Variants in STPG2 observed in about 807,000 individuals in gnomAD.
The protein encoded by STPG2 is sperm tail PG-rich repeat containing 2, also known as sperm-tail PG-rich repeat-containing protein 2.
Under a neutral mutation model 54.2 loss-of-function variants are expected in STPG2, and 56 were observed. The observed-to-expected ratio is 1.03, with a 90% CI of 0.83 to 1.29. The LOEUF is 1.29. Ranked by LOEUF, STPG2 falls within the 50% of genes most tolerant of loss-of-function variation. STPG2 has a pLI of 0.00. For missense variants in STPG2, 596 were observed against 544.9 expected (o/e 1.09, Z -0.93); for synonymous variants, 200 against 181.8 (o/e 1.10, Z -0.81).
chr4:97,653,721 A>C (rs1484928837), intron 10 of STPG2, among the ~76,000 whole-genome samples: 1 of 152,192 alleles, frequency 6.6e-6, no homozygotes, highest in African/African-American at 2.4e-5. Context: ...AAGGACAAGT[A>C]GAATGACTGT....
chr4:97,859,528 G>A (rs1402519383), intron 8 of STPG2, among the ~76,000 whole-genome samples: 2 of 149,570 alleles, frequency 1.3e-5, no homozygotes, highest in Non-Finnish European at 3.0e-5. Context: ...GCAGTGGGGC[G>A]ATCTGCCCTC....
intron 3 of STPG2, among the ~76,000 whole-genome samples, chr4:98,111,994 C>T (rs1224124146): frequency 6.6e-6 from 1 of 151,958 alleles, no homozygotes; most frequent in South Asian, 2.1e-4. Context: ...CATCAGCTCC[C>T]GTGGTTCTCA....
chr4:97,449,392 T>A (rs1009408709), intron 4 of STPG2, among the ~76,000 whole-genome samples: 46 of 152,152 alleles, frequency 3.0e-4, no homozygotes, highest in Non-Finnish European at 8.8e-5. Context: ...AGTAACAAGA[T>A]AAAGACAATT....
chr4:97,468,505 C>T (rs1048725879), intron 4 of STPG2, among the ~76,000 whole-genome samples: 1 of 152,000 alleles, frequency 6.6e-6, no homozygotes, highest in Non-Finnish European at 1.5e-5. Context: ...TCCTTTTGTG[C>T]TTTATTCCAT....
At chr4:97,742,004 C>T (rs544503146) in intron 9 of STPG2, among the ~76,000 whole-genome samples, 1 of 151,958 alleles carries the variant, frequency 6.6e-6, no homozygotes. Context: ...GAAAATGTGG[C>T]ACATATACAC....
At chr4:97,506,860 A>C (rs530688931) in intron 4 of STPG2, among the ~76,000 whole-genome samples, 202 of 152,190 alleles carry the variant, frequency 1.3e-3, no homozygotes, top group Non-Finnish European at 2.5e-3. Context: ...AGGAAAGCAA[A>C]GACAAAACAG....
intron 9 of STPG2, among the ~76,000 whole-genome samples, chr4:97,827,935 G>A (rs1280088630): frequency 1.3e-5 from 2 of 152,098 alleles, no homozygotes; most frequent in Admixed American, 6.5e-5. Context: ...CTCAAGAGGA[G>A]AGGAATTTAC....
intron 8 of STPG2, among the ~76,000 whole-genome samples, chr4:97,929,565 C>T (rs1732465067): frequency 6.6e-6 from 1 of 152,108 alleles, no homozygotes; most frequent in African/African-American, 2.4e-5. Flanking sequence ...TAATAATAGC[C>T]TTTCTCACTG....
chr4:98,113,758 T>C (rs964758840), intron 3 of STPG2, among the ~76,000 whole-genome samples: 1 of 151,988 alleles, frequency 6.6e-6, no homozygotes, highest in Non-Finnish European at 1.5e-5. Flanking sequence ...GTCATGTCCT[T>C]GAAGGAACAA....
At chr4:97,877,577 T>G (rs1730224771) in intron 8 of STPG2, among the ~76,000 whole-genome samples, 1 of 152,114 alleles carries the variant, frequency 6.6e-6, no homozygotes, top group African/African-American at 2.4e-5. Flanking sequence ...CTTCCCATTA[T>G]AAAACCATCA....
rs548583333 is a variant in STPG2 at position 97,564,466 on chromosome 4, G to T, written c.1321-5349C>A. The stretch of plus-strand genomic sequence containing the variant: ...TTAATATTGTTATGTGTGTATTTGA[G>T]CCTGTCATTATGATGTTAGCTGGTT... On this transcript the variant is annotated intron_variant, in intron 10 of 10. Coordinates refer to ENST00000295268, the MANE Select transcript of STPG2 (RefSeq NM_174952.3). 3.3e-5 allele frequency among the ~76,000 whole-genome samples: 5 copies of T among 152,044 alleles called. No individual in the cohort carries two copies. In the South Asian group the frequency reaches 8.3e-4, roughly 25 times the overall value.
At chr4:97,549,365 T>C (rs529337458) in intron 4 of STPG2, among the ~76,000 whole-genome samples, 1 of 152,332 alleles carries the variant, frequency 6.6e-6, no homozygotes, top group African/African-American at 2.4e-5. Flanking sequence ...TTAGTTTCAC[T>C]ATATCTAAGT....
At chr4:97,960,000 T>A (rs116662904) in intron 7 of STPG2, among the ~76,000 whole-genome samples, 2,453 of 152,208 alleles carry the variant, frequency 0.016, 68 homozygotes, top group African/African-American at 0.056. Context: ...TAATCTACCA[T>A]GATCAAGTAG....
At chr4:97,498,731 C>A (rs1452166803) in intron 4 of STPG2, among the ~76,000 whole-genome samples, 1 of 151,488 alleles carries the variant, frequency 6.6e-6, no homozygotes, top group Admixed American at 6.6e-5. Context: ...TTATTTTTAA[C>A]TATTGCTTCA....
At chr4:97,809,280 C>A (rs560198614) in intron 9 of STPG2, among the ~76,000 whole-genome samples, 1 of 152,104 alleles carries the variant, frequency 6.6e-6, no homozygotes, top group Non-Finnish European at 1.5e-5. Context: ...ATAATGGTGA[C>A]AGAGAGAGCA....
chr4:98,075,135 G>T (rs550467154), intron 5 of STPG2, among the ~76,000 whole-genome samples: 1 of 152,110 alleles, frequency 6.6e-6, no homozygotes, highest in Non-Finnish European at 1.5e-5. Context: ...GTTTACCAGC[G>T]TCCCTCTTTC....
chr4:97,541,717 A>T (rs1464689191), intron 4 of STPG2, among the ~76,000 whole-genome samples: 2 of 152,198 alleles, frequency 1.3e-5, no homozygotes, highest in African/African-American at 4.8e-5. Flanking sequence ...CTGACTTCAA[A>T]CTATACTACA....
chr4:98,138,147 T>C (rs879776460), intron 1 of STPG2, among the ~76,000 whole-genome samples: 3 of 151,960 alleles, frequency 2.0e-5, no homozygotes, highest in Non-Finnish European at 4.4e-5. Context: ...CAATAATGAA[T>C]AAGATAAAAC....
intron 7 of STPG2, among the ~76,000 whole-genome samples, chr4:97,948,098 G>C (rs1467306644): frequency 6.6e-6 from 1 of 151,798 alleles, no homozygotes; most frequent in East Asian, 1.9e-4. Flanking sequence ...TTATTGGTCT[G>C]GTCTGGGTTG....
Sources: gnomAD v4.1 joint callset for allele counts (sites outside exome capture counted in the v4.1 genomes callset) on GRCh38, gnomAD v4.1.1 for gene constraint, MANE v1.5 for transcripts, NCBI Gene and HGNC (gene_info 2026-07-23, HGNC 2026-07-21) for gene names.